TRPM3: variants seen among roughly 807,000 people sequenced by gnomAD.
The protein encoded by TRPM3 is long transient receptor potential channel 3.
Under a neutral mutation model 181.2 loss-of-function variants are expected in TRPM3, and 77 were observed. The observed-to-expected ratio is 0.42, with a 90% CI of 0.35 to 0.51. TRPM3 has a LOEUF of 0.51. Among genes scored for constraint, TRPM3 ranks in the 20% least tolerant of loss-of-function variants. TRPM3 has a pLI of 0.01. For missense variants in TRPM3, 1,759 were observed against 2,196.7 expected, an observed-to-expected ratio of 0.80 and a Z score of 3.98; for synonymous variants, 745 against 796.4, an observed-to-expected ratio of 0.94 and a Z score of 1.09.
chr9:71,108,183 C>T lies in TRPM3; in HGVS notation c.177+12995G>A, dbSNP rs185050861. On this transcript the variant is annotated intron_variant, in intron 1 of 25. Coordinates refer to ENST00000677713, the MANE Select transcript of TRPM3 (RefSeq NM_001366145.2). ...ACTGTCTTTATAGTATACCTAAAAT[C>T]AGATTCTGTAGTTGAACTCCATTTC... 4.2e-3 allele frequency among the ~76,000 whole-genome samples: 643 copies of T among 152,292 alleles called. 4 individuals carry two copies. The highest frequency in any genetic ancestry group is 5.5e-3 in the Non-Finnish European group (371 of 68,014).
chr9:71,372,830 T>C (rs2092560049), intron 1 of TRPM3, among the ~76,000 whole-genome samples: 1 of 152,140 alleles, frequency 6.6e-6, no homozygotes, highest in African/African-American at 2.4e-5. Flanking sequence ...CCCAACACAT[T>C]ACATAATCAT....
At chr9:71,239,130 A>G (rs1051953986) in intron 1 of TRPM3, among the ~76,000 whole-genome samples, 1 of 152,204 alleles carries the variant, frequency 6.6e-6, no homozygotes, top group African/African-American at 2.4e-5. Context: ...CACAAATCCA[A>G]TGCGGAACAT....
intron 7 of TRPM3, among the ~76,000 whole-genome samples, chr9:70,763,824 T>G (rs1564177546): frequency 6.6e-6 from 1 of 152,120 alleles, no homozygotes; most frequent in Non-Finnish European, 1.5e-5. Context: ...AAGAAACTTG[T>G]GGCAAATGAA....
intron 1 of TRPM3, among the ~76,000 whole-genome samples, chr9:70,908,973 T>C (rs2133116964): frequency 6.6e-6 from 1 of 152,290 alleles, no homozygotes; most frequent in South Asian, 2.1e-4. Context: ...AAGTAGGCTG[T>C]AGATATAAAT....
chr9:71,079,282 T>G (rs181934454), intron 1 of TRPM3, among the ~76,000 whole-genome samples: 221 of 152,328 alleles, frequency 1.5e-3, no homozygotes, highest in African/African-American at 4.7e-3. Context: ...TACCTCAGTT[T>G]GATCTATGGA....
chr9:71,255,384 T>C (rs2082607075), intron 1 of TRPM3, among the ~76,000 whole-genome samples: 1 of 152,186 alleles, frequency 6.6e-6, no homozygotes, highest in Non-Finnish European at 1.5e-5. Context: ...TTTACAAGAT[T>C]GTGATTCATA....
intron 5 of TRPM3, among the ~76,000 whole-genome samples, chr9:70,833,111 A>C (rs1370728714): frequency 6.6e-6 from 1 of 152,212 alleles, no homozygotes; most frequent in Non-Finnish European, 1.5e-5. Context: ...GCCTGTGTTA[A>C]ACAGTGCTTT....
At chr9:70,995,305 T>C (rs2097531590) in intron 1 of TRPM3, among the ~76,000 whole-genome samples, 1 of 152,204 alleles carries the variant, frequency 6.6e-6, no homozygotes, top group East Asian at 1.9e-4. Context: ...GAATATGTTA[T>C]AATCAGCAGT....
intron 15 of TRPM3, 27 bp downstream of exon 15, chr9:70,621,217 A>G (rs2063587765): frequency 3.9e-6 from 6 of 1,556,300 alleles, no homozygotes; most frequent in Non-Finnish European, 5.2e-6. Flanking sequence ...TAAATCATTG[A>G]CACTAATAAT....
At chr9:70,545,548 C>CTTTTTTTTTTTTTTTTTTTTTTTTT in intron 25 of TRPM3, among the ~76,000 whole-genome samples, 1 of 113,352 alleles carries the variant, frequency 8.8e-6, no homozygotes, top group Non-Finnish European at 1.7e-5. Context: ...AATTTTCTTT[C>CTTTTTTTTTTTTTTTTTTTTTTTTT]TTTTTTTTTT....
At position 70,750,748 on chromosome 9, in the gene TRPM3, C is replaced by T. The variant is rs375005198; in HGVS notation, c.1272+10853G>A. Among the ~76,000 whole-genome samples the T allele has an allele frequency of 1.3e-3, 205 of 152,190 alleles. 3 individuals are homozygous for T. In the South Asian group the frequency reaches 0.019, roughly 14 times the overall value. On this transcript the variant is annotated intron_variant, in intron 8 of 25. Transcript: ENST00000677713. ...ATGAAACGAGAATTGGAAGGGGAAA[C>T]ATTGTGGAGATGTAGGGCTGGGAAG...
intron 9 of TRPM3, among the ~76,000 whole-genome samples, chr9:70,676,625 G>T (rs903169362): frequency 6.6e-6 from 1 of 152,072 alleles, no homozygotes; most frequent in Admixed American, 6.6e-5. Flanking sequence ...AGGGGTTAGC[G>T]GACCTCCCTA....
intron 1 of TRPM3, among the ~76,000 whole-genome samples, chr9:71,285,838 G>A (rs1259027521): frequency 6.6e-6 from 1 of 152,098 alleles, no homozygotes; most frequent in Non-Finnish European, 1.5e-5. Flanking sequence ...GACTCCCCTT[G>A]ACCAATCACT....
intron 22 of TRPM3, among the ~76,000 whole-genome samples, chr9:70,564,918 C>T (rs531699430): frequency 2.0e-4 from 30 of 152,314 alleles, no homozygotes; most frequent in African/African-American, 6.0e-4. Flanking sequence ...TCTGTACTTA[C>T]AGCTCACGGT....
At chr9:71,245,880 C>A (rs989915906) in intron 1 of TRPM3, among the ~76,000 whole-genome samples, 1 of 151,816 alleles carries the variant, frequency 6.6e-6, no homozygotes, top group Non-Finnish European at 1.5e-5. Flanking sequence ...GACTCAAGTG[C>A]CCCAAAGAGG....
chr9:71,427,705 T>C (rs1030147781), intron 1 of TRPM3, among the ~76,000 whole-genome samples: 3 of 152,044 alleles, frequency 2.0e-5, no homozygotes, highest in African/African-American at 7.2e-5. Context: ...GAGCTAAACA[T>C]TGGGTACAAA....
chr9:70,670,616 GT>G (rs2062726036), intron 9 of TRPM3, among the ~76,000 whole-genome samples: 1 of 151,812 alleles, frequency 6.6e-6, no homozygotes, highest in African/African-American at 2.4e-5. Context: ...TGCTGTTTTT[GT>G]TTTTTTCAAA....
At chr9:70,918,509 A>G (rs1213744450) in intron 1 of TRPM3, among the ~76,000 whole-genome samples, 1 of 152,202 alleles carries the variant, frequency 6.6e-6, no homozygotes, top group African/African-American at 2.4e-5. Flanking sequence ...ATTAAACAAT[A>G]TGCATGACCA....
intron 1 of TRPM3, among the ~76,000 whole-genome samples, chr9:70,991,004 A>G (rs2097478183): frequency 1.3e-5 from 2 of 152,218 alleles, no homozygotes; most frequent in Non-Finnish European, 2.9e-5. Context: ...GGAAGTTAAT[A>G]TGTGTTACAT....
Sources: allele counts gnomAD v4.1 joint callset (sites outside exome capture counted in the v4.1 genomes callset), GRCh38; gene constraint gnomAD v4.1.1; transcripts MANE v1.5; gene names NCBI Gene and HGNC (gene_info 2026-07-23, HGNC 2026-07-21).